The following GATA3 variants were observed in gnomAD, a reference collection of about 807,000 sequenced individuals.
The protein encoded by GATA3 is trans-acting T-cell-specific transcription factor GATA-3.
A neutral mutation model predicts 36.0 loss-of-function variants in GATA3; 6 were observed. The ratio of observed to expected loss-of-function variants is 0.17; its 90% CI spans 0.09 to 0.33. The LOEUF (loss-of-function observed/expected upper bound fraction) is 0.33, where lower values mean the gene tolerates loss of function less well. GATA3 is among the 10% of genes least tolerant of loss of function. The probability of loss-of-function intolerance (pLI) is 1.00; values close to 1 mark genes in which losing one functional copy is unlikely to be tolerated. For missense variants in GATA3, 514 were observed against 610.1 expected (o/e 0.84, Z 1.66); for synonymous variants, 326 against 273.0 (o/e 1.19, Z -1.92).
chr10:8,072,026 T>A (rs1832938646), intron 5 of GATA3, among the ~76,000 whole-genome samples: 1 of 152,216 alleles, frequency 6.6e-6, no homozygotes, highest in Non-Finnish European at 1.5e-5. Context: ...GTAGGCTGCA[T>A]CTTTATCTTG....
intron 5 of GATA3, among the ~76,000 whole-genome samples, chr10:8,070,341 T>C (rs1832911478): frequency 6.6e-6 from 1 of 152,148 alleles, no homozygotes; most frequent in Non-Finnish European, 1.5e-5. Flanking sequence ...TGGGGTCCTC[T>C]CATTTTGTAA....
Position 8,055,182 on chromosome 10 carries a change from CCGTGCGGGTCTCGGGTGCGCTGGG to C in GATA3, c.-369-102_-369-79del, listed in dbSNP as rs1832604155. On this transcript the variant is annotated intron_variant, in intron 1 of 5. Coordinates refer to ENST00000379328, the MANE Select transcript of GATA3 (RefSeq NM_001002295.2). This position sits in a 1 kb window ranked among gnomAD's most constrained non-coding sequence, Gnocchi z 5.4. ...GCTCCGCGGCCGTGTCCCCGCGCTC[CCGTGCGGGTCTCGGGTGCGCTGGG>C]CGGGCGGGCGGCGCGAGGGGAGGTT... is the stretch of plus-strand genomic sequence containing the variant. The C allele has an allele frequency of 4.1e-6, 1 of 241,882 alleles. No individual in the cohort carries two copies. Among genetic ancestry groups the C allele is most frequent in the Middle Eastern group, 1.3e-3 (1 of 752 alleles). 15.0% of individuals were successfully genotyped at this position (241,882 alleles called of 1,614,324 possible). A position where few individuals can be genotyped will look rare whatever the true frequency, so the allele number is the denominator to read the frequency against.
rs767164043 is a variant in GATA3 at position 8,064,122 on chromosome 10, A to G, written c.908A>G (p.Lys303Arg). ...KMNGQNRPLIKPKRRLSAARR... is the reference protein window; with the variant it reads ...KMNGQNRPLIRPKRRLSAARR... ...AACGGACAGAACCGGCCCCTCATTA[A>G]GCCCAAGCGAAGGCTGGTAAGTTCT... Residue 303 changes from lysine to arginine, a missense_variant, in exon 4 of 6, where the codon AAG (lysine) becomes AGG (arginine). This residue lies in a region of GATA3 where 44 missense variants were observed against 151.5 expected (regional missense o/e 0.29). Transcript: ENST00000379328. The G allele has an allele frequency of 1.2e-6, 2 of 1,614,142 alleles. No homozygotes were observed. Among genetic ancestry groups the G allele is most frequent in the African/African-American group, 1.3e-5 (1 of 75,038 alleles).
chr10:8,049,999 G>A (rs1832443417), upstream of GATA3, among the ~76,000 whole-genome samples: 2 of 152,174 alleles, frequency 1.3e-5, no homozygotes, highest in African/African-American at 4.8e-5. Flanking sequence ...TCCCGCGGGC[G>A]CCCGGCGTGG....
chr10:8,070,653 T>A lies in GATA3; in HGVS notation c.1050+1055T>A, dbSNP rs11567947. ...CATCTTACTCAGGAATACCTGGGAA[T>A]TGGGGAGGAAGCTTTTCTGGTTGGA... On this transcript the variant is annotated intron_variant, in intron 5 of 5. Coordinates refer to ENST00000379328, the MANE Select transcript of GATA3 (RefSeq NM_001002295.2). Among the ~76,000 whole-genome samples the A allele has an allele frequency of 7.6e-4, 116 of 152,194 alleles. 1 individual carries two copies. Among genetic ancestry groups the A allele is most frequent in the Non-Finnish European group, 1.4e-3 (97 of 67,994 alleles).
At chr10:8,063,917 C>A in intron 3 of GATA3, 76 bp from the exon 4 acceptor site, 1 of 1,604,192 alleles carries the variant, frequency 6.2e-7, no homozygotes, top group South Asian at 1.1e-5. Context: ...TTACGTTTCT[C>A]CCCCAGTTCC....
At chr10:8,056,541 T>C (rs1278537510) in intron 2 of GATA3, among the ~76,000 whole-genome samples, 2 of 151,884 alleles carry the variant, frequency 1.3e-5, no homozygotes, top group Non-Finnish European at 2.9e-5. Flanking sequence ...CTGAAGGGGT[T>C]TGGGGGGGAA....
intron 3 of GATA3, 52 bp downstream of exon 3, chr10:8,058,893 C>T (rs747135812): frequency 6.4e-7 from 1 of 1,565,724 alleles, no homozygotes; most frequent in South Asian, 1.1e-5. Flanking sequence ...TCCCCTTTTC[C>T]TCAATCCAGG....
Position 8,055,244 on chromosome 10 carries a change from C to G in GATA3, c.-369-43C>G. On this transcript the variant is annotated intron_variant, in intron 1 of 5. Coordinates refer to ENST00000379328, the MANE Select transcript of GATA3 (RefSeq NM_001002295.2). This position sits in a 1 kb window ranked among gnomAD's most constrained non-coding sequence, Gnocchi z 5.4. Reference sequence around the variant, plus strand: ...GCGAGGGGAGGTTGTGCCACTCCAGCAACTCAGGGGCTCATCCAGGTCTCC... The same window carrying G: ...GCGAGGGGAGGTTGTGCCACTCCAGGAACTCAGGGGCTCATCCAGGTCTCC... 1 of 305,592 alleles carries G rather than the reference C, an allele frequency of 3.3e-6. No homozygotes were observed. The highest frequency in any genetic ancestry group is 6.1e-6 in the Non-Finnish European group (1 of 164,108). 18.9% of individuals were successfully genotyped at this position (305,592 alleles called of 1,614,324 possible). A position where few individuals can be genotyped will look rare whatever the true frequency, so the allele number is the denominator to read the frequency against.
upstream of GATA3, chr10:8,052,905 G>A (rs535740186): frequency 6.7e-6 from 1 of 149,210 alleles, no homozygotes; most frequent in South Asian, 2.2e-4. Flanking sequence ...GGCGGGGGGG[G>A]GGGGAGCTTT....
upstream of GATA3, among the ~76,000 whole-genome samples, chr10:8,049,931 G>A (rs980575246): frequency 4.7e-4 from 72 of 152,182 alleles, no homozygotes; most frequent in Non-Finnish European, 9.7e-4. Flanking sequence ...CCTTTGAACA[G>A]GCGCTGGGGA....
chr10:8,057,933 A>T (rs1187391727), intron 2 of GATA3, among the ~76,000 whole-genome samples: 1 of 152,116 alleles, frequency 6.6e-6, no homozygotes, highest in African/African-American at 2.4e-5. Context: ...CCCATAAATC[A>T]AGTCAGGTTC....
chr10:8,059,232 C>T (rs1307043418), intron 3 of GATA3, among the ~76,000 whole-genome samples: 1 of 152,226 alleles, frequency 6.6e-6, no homozygotes, highest in Non-Finnish European at 1.5e-5. Context: ...GAAACCTCCT[C>T]AAGCCTAAAC....
chr10:8,065,088 G>C (rs1380099950), intron 4 of GATA3, among the ~76,000 whole-genome samples: 1 of 151,970 alleles, frequency 6.6e-6, no homozygotes, highest in Non-Finnish European at 1.5e-5. Flanking sequence ...ATGGGAGGAG[G>C]GGAATTTCCC....
intron 3 of GATA3, among the ~76,000 whole-genome samples, chr10:8,061,135 G>A (rs1468747351): frequency 3.3e-5 from 5 of 151,540 alleles, no homozygotes; most frequent in Non-Finnish European, 7.4e-5. Context: ...TTTGCTGAAG[G>A]AGGACACAGA....
upstream of GATA3, among the ~76,000 whole-genome samples, chr10:8,049,487 G>C (rs979299943): frequency 3.9e-5 from 6 of 152,234 alleles, no homozygotes; most frequent in African/African-American, 1.4e-4. Context: ...GAAAACGGGG[G>C]CCCGAGTGGC....
rs966384873 is a variant in GATA3, at chr10:8,055,157, G to C, written c.-369-130G>C. ...AGGGACGTCCCCGAGAGCCCTGCGG[G>C]CTCCGCGGCCGTGTCCCCGCGCTCC... On this transcript the variant is annotated intron_variant, in intron 1 of 5. Coordinates refer to ENST00000379328, the MANE Select transcript of GATA3 (RefSeq NM_001002295.2). The surrounding 1 kb of genome is among the most constrained non-coding windows in gnomAD (Gnocchi z 5.4). 1 of 226,844 alleles carries C rather than the reference G, an allele frequency of 4.4e-6. No homozygotes were observed. Among genetic ancestry groups the C allele is most frequent in the Admixed American group, 5.6e-5 (1 of 17,742 alleles). The allele number at this position is 226,844 out of a possible 1,614,324, so 14.1% of individuals were successfully genotyped here. A position where few individuals can be genotyped will look rare whatever the true frequency, so the allele number is the denominator to read the frequency against.
At chr10:8,051,122 C>T (rs746677797), upstream of GATA3, 6 of 526,216 alleles carry the variant, frequency 1.1e-5, no homozygotes, top group Admixed American at 7.8e-5. Context: ...TCCCCACTTC[C>T]ACTGGGACAG....
At chr10:8,051,761 C>T (rs1832498455), upstream of GATA3, 1 of 152,118 alleles carries the variant, frequency 6.6e-6, no homozygotes, top group Non-Finnish European at 1.5e-5. Context: ...CCCCCTTTCC[C>T]TCCCCCGCCC....
Sources: allele counts gnomAD v4.1 joint callset (sites outside exome capture counted in the v4.1 genomes callset), GRCh38; gene constraint gnomAD v4.1.1; regional missense constraint gnomAD v4.1.1; non-coding constraint Gnocchi (gnomAD v3.1); transcripts MANE v1.5; gene names NCBI Gene and HGNC (gene_info 2026-07-23, HGNC 2026-07-21).